NLN: variants seen among roughly 807,000 people sequenced by gnomAD.
NLN encodes the protein neurolysin, also known as neurolysin, mitochondrial.
In NLN, 64 loss-of-function variants were observed where a neutral mutation model predicts 79.9. The observed-to-expected ratio is 0.80, with a 90% confidence interval of 0.65 to 0.99. The LOEUF is 0.99. Ranked by LOEUF, NLN falls within the 50% of genes least tolerant of loss-of-function variation. The pLI is 0.00. For missense variants in NLN, 835 were observed against 858.7 expected, an observed-to-expected ratio of 0.97 and a Z score of 0.34; for synonymous variants, 267 against 296.6, an observed-to-expected ratio of 0.90 and a Z score of 1.02.
chr5:65,744,029 A>G (rs1308619988), intron 1 of NLN, among the ~76,000 whole-genome samples: 1 of 152,186 alleles, frequency 6.6e-6, no homozygotes, highest in Non-Finnish European at 1.5e-5. Flanking sequence ...CCTTATTTAT[A>G]TAGAATTTGT....
At chr5:65,754,492 G>T (rs971989525) in intron 1 of NLN, among the ~76,000 whole-genome samples, 2 of 152,118 alleles carry the variant, frequency 1.3e-5, no homozygotes, top group Non-Finnish European at 2.9e-5. Flanking sequence ...GAGGTTAATG[G>T]CTAGACAACC....
intron 9 of NLN, among the ~76,000 whole-genome samples, chr5:65,799,628 T>G (rs1273144789): frequency 6.6e-6 from 1 of 152,184 alleles, no homozygotes; most frequent in Non-Finnish European, 1.5e-5. Flanking sequence ...AAAGAAGCAG[T>G]TTAAATAAGA....
intron 1 of NLN, among the ~76,000 whole-genome samples, chr5:65,735,256 C>G (rs1758706544): frequency 6.6e-6 from 1 of 152,216 alleles, no homozygotes; most frequent in African/African-American, 2.4e-5. Flanking sequence ...AACTGTGAAT[C>G]AATTAAACCT....
chr5:65,754,900 TC>T (rs1759185594), intron 1 of NLN, among the ~76,000 whole-genome samples: 2 of 152,314 alleles, frequency 1.3e-5, no homozygotes, highest in South Asian at 4.1e-4. Flanking sequence ...GGTTCAGTCT[TC>T]CTTTCTACTC....
At chr5:65,763,229 C>G (rs1759378259) in intron 3 of NLN, 121 bp downstream of exon 3, 2 of 778,716 alleles carry the variant, frequency 2.6e-6, no homozygotes, top group Non-Finnish European at 4.1e-6. Flanking sequence ...GATTATAAAA[C>G]CATAATGGGC....
intron 1 of NLN, among the ~76,000 whole-genome samples, chr5:65,725,061 TC>T (rs1474992207): frequency 6.6e-6 from 1 of 152,102 alleles, no homozygotes; most frequent in Non-Finnish European, 1.5e-5. Context: ...TGTCTCGGCC[TC>T]CCAAAGTGCT....
Position 65,788,161 on chromosome 5 carries a change from A to C in NLN, c.1002A>C (p.Arg334=). ...TAAAACCCTTGGGTGAAGCAGAACG[A>C]GAGTTTATTTTGAATTTGAAGAAAA... ...QKLKPLGEAE[R]EFILNLKKKE... Residue 334 remains arginine, a synonymous_variant, in exon 8 of 13, where the codon CGA becomes CGC. Transcript: ENST00000380985. 1 of 1,614,104 alleles carries C rather than the reference A, an allele frequency of 6.2e-7. No homozygotes were observed.
intron 1 of NLN, among the ~76,000 whole-genome samples, chr5:65,725,948 T>C (rs1434451060): frequency 2.0e-5 from 3 of 151,994 alleles, no homozygotes; most frequent in South Asian, 4.1e-4. Context: ...CTGTCTCTAC[T>C]GAAAATACAA....
At chr5:65,759,642 C>T (rs1319165874) in intron 2 of NLN, among the ~76,000 whole-genome samples, 1 of 152,104 alleles carries the variant, frequency 6.6e-6, no homozygotes, top group Non-Finnish European at 1.5e-5. Context: ...CTGGAGACTG[C>T]AGGAGGATTC....
chr5:65,812,279 G>A lies in NLN; in HGVS notation c.1868G>A (p.Gly623Glu). ...GGCACAAATATGCCAGCTACCTTTG[G>A]ACATTTGGCAGGGGGATACGATGGC... is the stretch of plus-strand genomic sequence containing the variant. Reference protein sequence around the residue: ...TPGTNMPATFGHLAGGYDGQY... With the variant: ...TPGTNMPATFEHLAGGYDGQY... The change falls in exon 12 of 13, where the codon GGA becomes GAA. Residue 623 changes from glycine to glutamate, a missense_variant. Gly to Glu is a moderately conservative substitution (Grantham distance 98, BLOSUM62 -2). Coordinates refer to ENST00000380985, the MANE Select transcript of NLN (RefSeq NM_020726.5). 1 of 1,613,294 alleles carries A rather than the reference G, an allele frequency of 6.2e-7. No individual in the cohort carries two copies. Among genetic ancestry groups the A allele is most frequent in the South Asian group, 1.1e-5 (1 of 91,018 alleles).
At chr5:65,752,152 C>T (rs567002500) in intron 1 of NLN, among the ~76,000 whole-genome samples, 5 of 152,014 alleles carry the variant, frequency 3.3e-5, no homozygotes, top group African/African-American at 1.2e-4. Context: ...GTAAGAGGAT[C>T]ACCTGAGCTG....
intron 6 of NLN, among the ~76,000 whole-genome samples, chr5:65,783,303 T>A (rs967415257): frequency 6.6e-5 from 10 of 152,146 alleles, no homozygotes; most frequent in African/African-American, 2.2e-4. Flanking sequence ...AATTTTTTTT[T>A]AAAAGATTTG....
chr5:65,752,250 A>T (rs1048286011), intron 1 of NLN, among the ~76,000 whole-genome samples: 7 of 149,370 alleles, frequency 4.7e-5, no homozygotes, highest in African/African-American at 1.5e-4. Flanking sequence ...AAAAAAAAAA[A>T]TTCACAAAGG....
chr5:65,735,559 T>C (rs1217464317), intron 1 of NLN, among the ~76,000 whole-genome samples: 1 of 152,208 alleles, frequency 6.6e-6, no homozygotes, highest in East Asian at 1.9e-4. Flanking sequence ...CCTTTCTTTG[T>C]TCCCAGTATC....
At chr5:65,796,374 A>G (rs1319372402) in intron 9 of NLN, among the ~76,000 whole-genome samples, 2 of 152,224 alleles carry the variant, frequency 1.3e-5, no homozygotes, top group Non-Finnish European at 2.9e-5. Flanking sequence ...TACTAGAAAG[A>G]TCTTTTCTTG....
chr5:65,747,282 A>C (rs1759002499), intron 1 of NLN, among the ~76,000 whole-genome samples: 1 of 152,168 alleles, frequency 6.6e-6, no homozygotes, highest in South Asian at 2.1e-4. Context: ...GGCTGGTCAC[A>C]GTTTGAAGTA....
intron 9 of NLN, among the ~76,000 whole-genome samples, chr5:65,806,360 C>A (rs1760410503): frequency 6.6e-6 from 1 of 152,162 alleles, no homozygotes; most frequent in East Asian, 1.9e-4. Context: ...TTCACCATTC[C>A]AAATGCCATT....
In NLN at chr5:65,824,349, A is replaced by G. The variant is rs1760871112; in HGVS notation, c.*1434A>G. 6.6e-6 allele frequency: 1 copy of G among 152,178 alleles called. No homozygotes were observed. The allele number at this position is 152,178 out of a possible 1,614,324, so 9.4% of individuals were successfully genotyped here. Reference sequence around the variant, plus strand: ...AATGCAAGAGCTAGGAGATTCCTAGATTATATCTGCCAAGCAAATACCTTA... The same window carrying G: ...AATGCAAGAGCTAGGAGATTCCTAGGTTATATCTGCCAAGCAAATACCTTA... On this transcript the variant is annotated 3_prime_UTR_variant, in exon 13 of 13. Transcript: ENST00000380985.
chr5:65,788,986 G>A (rs1759997218), intron 8 of NLN, among the ~76,000 whole-genome samples: 1 of 147,970 alleles, frequency 6.8e-6, no homozygotes, highest in African/African-American at 2.5e-5. Context: ...AAAAAAAAAT[G>A]AAAAATTAGC....
Sources: allele counts gnomAD v4.1 joint callset (sites outside exome capture counted in the v4.1 genomes callset), GRCh38; gene constraint gnomAD v4.1.1; transcripts MANE v1.5; gene names NCBI Gene and HGNC (gene_info 2026-07-23, HGNC 2026-07-21).